UGGT1: variants seen among roughly 807,000 people sequenced by gnomAD.
The protein encoded by UGGT1 is UDP-glucose glycoprotein glucosyltransferase 1, also known as UDP-glucose:glycoprotein glucosyltransferase 1.
UGGT1 carries 107 observed loss-of-function variants against 203.9 expected under a neutral mutation model. The observed-to-expected ratio is 0.52, with a 90% confidence interval of 0.45 to 0.62. UGGT1 has a LOEUF of 0.62. Among genes scored for constraint, UGGT1 ranks in the 20% least tolerant of loss-of-function variants. The pLI is 0.00. For synonymous variants in UGGT1, 628 were observed against 653.5 expected (o/e 0.96, Z 0.59); for missense variants, 1,673 against 1,867.2 (o/e 0.90, Z 1.92).
intron 5 of UGGT1, 139 bp from the exon 6 acceptor site, chr2:128,112,945 A>G (rs572406547): frequency 1.4e-6 from 1 of 733,378 alleles, no homozygotes; most frequent in South Asian, 4.0e-5. Flanking sequence ...AGTGAAAAAT[A>G]TTTAAGATCA....
chr2:128,184,937 C>T lies in UGGT1; in HGVS notation c.4359+1148C>T, dbSNP rs1223054682. Among the ~76,000 whole-genome samples, 5 of 152,198 alleles carry T rather than the reference C, an allele frequency of 3.3e-5. No homozygotes were observed. In the East Asian group the frequency reaches 9.7e-4, roughly 30 times the overall value. On this transcript the variant is annotated intron_variant, in intron 38 of 40. Transcript: ENST00000259253. Reference sequence around the variant, plus strand: ...CCTCAAGTGATCCACCCGCTTTGGCCTCCCAAAGTGCCGGGATTACAATCA... The same window carrying T: ...CCTCAAGTGATCCACCCGCTTTGGCTTCCCAAAGTGCCGGGATTACAATCA...
At chr2:128,143,703 T>C (rs758675179) in intron 17 of UGGT1, among the ~76,000 whole-genome samples, 1 of 152,228 alleles carries the variant, frequency 6.6e-6, no homozygotes, top group Non-Finnish European at 1.5e-5. Context: ...CTCTTCTGTA[T>C]ACAAACAGGT....
chr2:128,125,619 A>G (rs1688564692), intron 11 of UGGT1, among the ~76,000 whole-genome samples: 1 of 152,092 alleles, frequency 6.6e-6, no homozygotes, highest in Non-Finnish European at 1.5e-5. Context: ...CTCTAGTGAC[A>G]TTTCAGTAGA....
At chr2:128,115,016 T>A in intron 6 of UGGT1, 108 bp from the exon 7 acceptor site, 1 of 882,978 alleles carries the variant, frequency 1.1e-6, no homozygotes, top group Non-Finnish European at 1.8e-6. Context: ...TTTGAGGGCA[T>A]AATCCGAGGT....
At chr2:128,180,718 T>G (rs550729991) in intron 35 of UGGT1, among the ~76,000 whole-genome samples, 172 bp from the exon 36 acceptor site, 13 of 152,250 alleles carry the variant, frequency 8.5e-5, no homozygotes, top group Non-Finnish European at 1.9e-4. Context: ...TGACAAAGGT[T>G]TATATCTGTT....
At chr2:128,117,879 G>T (rs771307005) in intron 8 of UGGT1, among the ~76,000 whole-genome samples, 4 of 151,694 alleles carry the variant, frequency 2.6e-5, no homozygotes, top group Non-Finnish European at 5.9e-5. Context: ...TATTCTAAAA[G>T]TTGAAGTTAT....
chr2:128,151,071 G>T, intron 18 of UGGT1: 1 of 252,556 alleles, frequency 4.0e-6, no homozygotes, highest in Non-Finnish European at 7.9e-6. Context: ...GGCTGGTCTT[G>T]AACTCCTGAC....
intron 22 of UGGT1, 105 bp from the exon 23 acceptor site, chr2:128,159,409 A>T: frequency 9.0e-7 from 1 of 1,112,742 alleles, no homozygotes; most frequent in Non-Finnish European, 1.3e-6. Flanking sequence ...TGAGACTTTT[A>T]AGAGAGATAT....
chr2:128,168,747 G>T (rs1252181476), intron 26 of UGGT1, among the ~76,000 whole-genome samples: 13 of 152,184 alleles, frequency 8.5e-5, no homozygotes, highest in Admixed American at 7.2e-4. Context: ...TTACCATTCA[G>T]TTAAGAACAG....
intron 25 of UGGT1, among the ~76,000 whole-genome samples, chr2:128,162,286 A>G (rs1004399209): frequency 3.3e-5 from 5 of 151,436 alleles, no homozygotes; most frequent in Admixed American, 2.6e-4. Flanking sequence ...TACTAGATAC[A>G]TGATTTGTAA....
chr2:128,167,179 C>T (rs1573606226), intron 26 of UGGT1, among the ~76,000 whole-genome samples: 1 of 152,254 alleles, frequency 6.6e-6, no homozygotes, highest in East Asian at 1.9e-4. Flanking sequence ...AATCAACCTG[C>T]CATCTTGTTT....
intron 18 of UGGT1, among the ~76,000 whole-genome samples, chr2:128,150,629 G>T: frequency 6.7e-6 from 1 of 149,040 alleles, no homozygotes. Context: ...TGGTCAGAAG[G>T]TGTTACATTT....
At chr2:128,133,979 C>A (rs1689006820) in intron 14 of UGGT1, among the ~76,000 whole-genome samples, 1 of 152,074 alleles carries the variant, frequency 6.6e-6, no homozygotes, top group Non-Finnish European at 1.5e-5. Context: ...CCAAGGTTGG[C>A]CTCCTCAGAA....
chr2:128,176,407 C>CAAAAA (rs757833629), intron 31 of UGGT1, among the ~76,000 whole-genome samples: 8 of 70,224 alleles, frequency 1.1e-4, no homozygotes, highest in Non-Finnish European at 1.6e-4. Context: ...AACTCTGTCT[C>CAAAAA]AAAAAAAAAA....
At chr2:128,125,332 G>T (rs1257846511) in intron 11 of UGGT1, among the ~76,000 whole-genome samples, 1 of 152,112 alleles carries the variant, frequency 6.6e-6, no homozygotes, top group Admixed American at 6.6e-5. Flanking sequence ...CAGTTGGGGG[G>T]CTGGGGGGTT....
intron 27 of UGGT1, among the ~76,000 whole-genome samples, chr2:128,170,893 T>C (rs1291077107): frequency 6.6e-6 from 1 of 152,216 alleles, no homozygotes; most frequent in Non-Finnish European, 1.5e-5. Context: ...TGTTTTTTCA[T>C]CCTTTGGCAT....
At position 128,180,957 on chromosome 2, in the gene UGGT1, G is replaced by C. The variant is rs772770875; in HGVS notation, c.3968G>C (p.Arg1323Pro). The change falls in exon 36 of 41, where the codon CGG becomes CCG. Residue 1323 changes from arginine to proline, a missense_variant. By Grantham distance (103) the Arg-to-Pro change is moderately radical (BLOSUM62 -2). This residue lies in a region of UGGT1 where 513 missense variants were observed against 684.1 expected (regional missense o/e 0.75). Coordinates refer to ENST00000259253, the MANE Select transcript of UGGT1 (RefSeq NM_020120.4). ...GAGCTTGTTCAGTACAAATGGCCCCGGTGGCTTCATCAACAAACTGAAAAA... is the reference window on the plus strand; with the variant it reads ...GAGCTTGTTCAGTACAAATGGCCCCCGTGGCTTCATCAACAAACTGAAAAA... ...QYELVQYKWP[R>P]WLHQQTEKQR... 3 of 1,613,988 alleles carry C rather than the reference G, an allele frequency of 1.9e-6. No homozygotes were observed. Among genetic ancestry groups the C allele is most frequent in the Non-Finnish European group, 2.5e-6 (3 of 1,180,016 alleles).
In UGGT1 at chr2:128,113,238, G is replaced by A. The variant is rs1473972226; in HGVS notation, c.676G>A (p.Val226Ile). The change falls in exon 6 of 41, where the codon GTA (valine) becomes ATA (isoleucine). Residue 226 changes from valine (V) to isoleucine (I), a missense_variant. Around this residue, in one of 4 missense-constraint regions of UGGT1, gnomAD observed 1,073 missense variants for 1,078.7 expected, o/e 0.99. Coordinates refer to ENST00000259253, the MANE Select transcript of UGGT1 (RefSeq NM_020120.4). ...SKSNAGKINY[V>I]FRHYIFNPRK... ...AAGCAATGCAGGCAAAATCAATTAT[G>A]TATTCAGACATTATATATTTGTAAG... 4.3e-6 allele frequency: 7 copies of A among 1,610,558 alleles called. No individual in the cohort carries two copies. Among genetic ancestry groups the A allele is most frequent in the South Asian group, 3.3e-5 (3 of 90,418 alleles).
chr2:128,098,451 T>C (rs1023276481), intron 2 of UGGT1, among the ~76,000 whole-genome samples: 2 of 152,228 alleles, frequency 1.3e-5, no homozygotes, highest in East Asian at 3.8e-4. Flanking sequence ...GCTCAATCTT[T>C]CTTTTTAAAT....
Sources: allele counts gnomAD v4.1 joint callset (sites outside exome capture counted in the v4.1 genomes callset), GRCh38; gene constraint gnomAD v4.1.1; regional missense constraint gnomAD v4.1.1; transcripts MANE v1.5; gene names NCBI Gene and HGNC (gene_info 2026-07-23, HGNC 2026-07-21).